ZNF536: variants seen among roughly 807,000 people sequenced by gnomAD.
ZNF536 encodes zinc finger protein 536.
Under a neutral mutation model 84.5 loss-of-function variants are expected in ZNF536, and 13 were observed. The observed-to-expected ratio is 0.15, with a 90% CI of 0.10 to 0.24. ZNF536 has a LOEUF of 0.24. Among genes scored for constraint, ZNF536 ranks in the 10% least tolerant of loss-of-function variants. The pLI, the probability that ZNF536 is intolerant of heterozygous loss-of-function variation, is 1.00. For missense variants in ZNF536, 1,536 were observed against 1,747.5 expected (o/e 0.88, Z 2.16); for synonymous variants, 811 against 742.5 (o/e 1.09, Z -1.50).
chr19:30,273,140 G>A (rs533087509), intron 1 of ZNF536, among the ~76,000 whole-genome samples: 2 of 152,104 alleles, frequency 1.3e-5, no homozygotes, highest in African/African-American at 2.4e-5. Context: ...AGGATCAAAC[G>A]ATCCTCCTGC....
chr19:30,708,198 C>T (rs1436865904), intron 1 of ZNF536, among the ~76,000 whole-genome samples: 10 of 152,072 alleles, frequency 6.6e-5, no homozygotes, highest in Non-Finnish European at 2.9e-5. Context: ...CCAGTACATA[C>T]ACTCAGGCCC....
chr19:30,499,088 T>C (rs565528587), intron 2 of ZNF536, among the ~76,000 whole-genome samples: 1 of 152,188 alleles, frequency 6.6e-6, no homozygotes, highest in East Asian at 1.9e-4. Context: ...ACTTAAAATA[T>C]GTCATCTTAA....
At chr19:30,639,623 G>C (rs2070244327) in intron 1 of ZNF536, among the ~76,000 whole-genome samples, 1 of 152,216 alleles carries the variant, frequency 6.6e-6, no homozygotes, top group Admixed American at 6.5e-5. Context: ...AAATTGAGCA[G>C]ATTTTAAGGA....
intron 1 of ZNF536, among the ~76,000 whole-genome samples, chr19:30,650,451 ATC>A (rs1431124297): frequency 4.6e-5 from 7 of 152,164 alleles, no homozygotes; most frequent in African/African-American, 1.7e-4. Flanking sequence ...TCCTGAAAAT[ATC>A]TGTTTTTGTT....
intron 2 of ZNF536, among the ~76,000 whole-genome samples, chr19:30,304,968 T>C (rs1006786930): frequency 6.6e-6 from 1 of 152,220 alleles, no homozygotes; most frequent in Non-Finnish European, 1.5e-5. Flanking sequence ...AGGAGACTGC[T>C]TGGGGCAGAC....
chr19:30,544,054 G>A (rs906366880), intron 3 of ZNF536, among the ~76,000 whole-genome samples: 13 of 152,158 alleles, frequency 8.5e-5, no homozygotes, highest in African/African-American at 2.7e-4. Flanking sequence ...ATCATTTAGC[G>A]ATTACGAGGA....
intron 1 of ZNF536, among the ~76,000 whole-genome samples, chr19:30,427,936 T>C (rs899807264): frequency 1.3e-5 from 2 of 152,192 alleles, no homozygotes; most frequent in Non-Finnish European, 2.9e-5. Context: ...AACCTTGCTA[T>C]TGTTTTGATT....
chr19:30,608,303 C>T (rs781606705), intron 1 of ZNF536, among the ~76,000 whole-genome samples: 6 of 152,170 alleles, frequency 3.9e-5, no homozygotes, highest in Admixed American at 6.5e-5. Flanking sequence ...TCCCTATTCA[C>T]CTCATCACAG....
intron 1 of ZNF536, among the ~76,000 whole-genome samples, chr19:30,412,537 A>T (rs559657320): frequency 5.9e-5 from 9 of 152,066 alleles, no homozygotes; most frequent in African/African-American, 2.2e-4. Context: ...TTATGTGAAT[A>T]TACCATATGG....
At chr19:30,373,267 CT>C (rs1334681491) in intron 1 of ZNF536, among the ~76,000 whole-genome samples, 1 of 152,104 alleles carries the variant, frequency 6.6e-6, no homozygotes, top group Non-Finnish European at 1.5e-5. Flanking sequence ...TCCTGAATCC[CT>C]TGTCCAGCCT....
chr19:30,594,610 C>A, intron 1 of ZNF536, among the ~76,000 whole-genome samples: 1 of 152,158 alleles, frequency 6.6e-6, no homozygotes, highest in East Asian at 1.9e-4. Flanking sequence ...CGCTCGTCTG[C>A]AGGACACCCC....
At chr19:30,553,064 C>G (rs544726993) in intron 4 of ZNF536, among the ~76,000 whole-genome samples, 1 of 152,302 alleles carries the variant, frequency 6.6e-6, no homozygotes, top group East Asian at 1.9e-4. Flanking sequence ...TGTCTTTATT[C>G]TGTCAAAGAG....
At chr19:30,282,566 C>A (rs1360623425) in intron 1 of ZNF536, among the ~76,000 whole-genome samples, 3 of 152,184 alleles carry the variant, frequency 2.0e-5, no homozygotes, top group African/African-American at 7.2e-5. Context: ...TTTTGCAAGT[C>A]ATGAGCTTAG....
intron 1 of ZNF536, among the ~76,000 whole-genome samples, chr19:30,702,934 C>T (rs943423297): frequency 5.9e-5 from 9 of 152,242 alleles, no homozygotes; most frequent in African/African-American, 2.2e-4. Context: ...CCCCGTGGAG[C>T]TGACAGTCTG....
intron 1 of ZNF536, chr19:30,436,445 A>G (rs2051749694): frequency 1.0e-6 from 1 of 972,772 alleles, no homozygotes; most frequent in Non-Finnish European, 1.2e-6. Context: ...GGATGCCCAA[A>G]TGTCACCAGT....
intron 2 of ZNF536, among the ~76,000 whole-genome samples, chr19:30,515,744 C>A (rs968096222): frequency 6.6e-6 from 1 of 152,098 alleles, no homozygotes; most frequent in Admixed American, 6.6e-5. Flanking sequence ...CTAGGCCAGG[C>A]GTGGTGGCTC....
rs531568156 is a variant in ZNF536 at position 30,591,348 on chromosome 19, G to C, written c.169+41834G>C. Among the ~76,000 whole-genome samples the C allele has an allele frequency of 3.9e-5, 6 of 152,262 alleles. No homozygotes were observed. In the East Asian group the frequency reaches 9.7e-4, roughly 25 times the overall value. ...GACTGGGTAATTTATAAAGGCAAGA[G>C]GTTTAATGGACTCACAGTTCTACAT... On this transcript the variant is annotated intron_variant, in intron 1 of 1. Transcript: ENST00000592773.
Position 30,597,946 on chromosome 19 carries a change from T to C in ZNF536, c.169+48432T>C, listed in dbSNP as rs545850481. Among the ~76,000 whole-genome samples, 10 of 152,320 alleles carry C rather than the reference T, an allele frequency of 6.6e-5. No individual in the cohort carries two copies. In the South Asian group the frequency reaches 1.2e-3, roughly 19 times the overall value. On this transcript the variant is annotated intron_variant, in intron 1 of 1. Transcript: ENST00000592773. Reference sequence around the variant, plus strand: ...TATAGTTATTGTTGTATGCATATAGTTATTGTTGTATGCATGTTATTGTTG... The same window carrying C: ...TATAGTTATTGTTGTATGCATATAGCTATTGTTGTATGCATGTTATTGTTG...
intron 1 of ZNF536, among the ~76,000 whole-genome samples, chr19:30,638,855 A>G (rs1446752934): frequency 6.6e-6 from 1 of 152,240 alleles, no homozygotes; most frequent in Non-Finnish European, 1.5e-5. Flanking sequence ...ATCTTCTTCC[A>G]GCTAACTCTT....
Sources: gnomAD v4.1 joint callset for allele counts (sites outside exome capture counted in the v4.1 genomes callset) on GRCh38, gnomAD v4.1.1 for gene constraint, MANE v1.5 for transcripts, NCBI Gene and HGNC (gene_info 2026-07-23, HGNC 2026-07-21) for gene names.